WWP2: variants seen among roughly 807,000 people sequenced by gnomAD.
The protein encoded by WWP2 is WW domain containing E3 ubiquitin protein ligase 2, also known as NEDD4-like E3 ubiquitin-protein ligase WWP2.
WWP2 carries 57 observed loss-of-function variants against 121.0 expected under a neutral mutation model. That is an observed-to-expected ratio of 0.47 (90% CI 0.38 to 0.59). The LOEUF is 0.59. Ranked by LOEUF, WWP2 falls within the 20% of genes least tolerant of loss-of-function variation. The probability of loss-of-function intolerance (pLI) is 0.00; values close to 1 mark genes in which losing one functional copy is unlikely to be tolerated. For missense variants in WWP2, 962 were observed against 1,158.9 expected (o/e 0.83, Z 2.47); for synonymous variants, 449 against 441.3 (o/e 1.02, Z -0.22).
chr16:69,874,003 C>T (rs2057690305), intron 7 of WWP2, among the ~76,000 whole-genome samples: 1 of 152,148 alleles, frequency 6.6e-6, no homozygotes, highest in South Asian at 2.1e-4. Flanking sequence ...CCAGCCGTGT[C>T]TTCAAAAGCC....
rs548609220 is a variant in WWP2 at position 69,831,827 on chromosome 16, C to CTT, written c.341-8279_341-8278dup. Among the ~76,000 whole-genome samples the CTT allele has an allele frequency of 3.3e-3, 362 of 109,020 alleles. 2 individuals carry two copies. The highest frequency in any genetic ancestry group is 4.9e-3 in the African/African-American group (132 of 27,166). The allele number at this position is 109,020 out of a possible 152,430, so 71.5% of individuals were successfully genotyped here. ...ATGCTGGCATGGAAAAAAACAAAAC[C>CTT]TTTTTTTTTTTTTTTTTTTTTGAGA... On this transcript the variant is annotated intron_variant, in intron 4 of 23. Coordinates refer to ENST00000359154, the MANE Select transcript of WWP2 (RefSeq NM_001270454.2).
intron 4 of WWP2, among the ~76,000 whole-genome samples, chr16:69,826,764 G>A (rs866098769): frequency 1.5e-4 from 23 of 149,672 alleles, no homozygotes; most frequent in Admixed American, 3.4e-4. Context: ...GTGAAACCCC[G>A]TCTCTAATAA....
chr16:69,873,876 C>T (rs2057688295), intron 7 of WWP2, among the ~76,000 whole-genome samples: 1 of 152,174 alleles, frequency 6.6e-6, no homozygotes, highest in Non-Finnish European at 1.5e-5. Context: ...GGTGATGGTC[C>T]TTGAGTCACT....
At chr16:69,800,459 A>G (rs16959196) in intron 4 of WWP2, among the ~76,000 whole-genome samples, 2,181 of 152,326 alleles carry the variant, frequency 0.014, 49 homozygotes, top group African/African-American at 0.047. Flanking sequence ...TTGCCCAGCC[A>G]ATATACTTTT....
At position 69,935,374 on chromosome 16, in the gene WWP2, G is replaced by T. The variant is rs576118675; in HGVS notation, c.1843-479G>T. Among the ~76,000 whole-genome samples, 1 of 152,176 alleles carries T rather than the reference G, an allele frequency of 6.6e-6. No homozygotes were observed. The highest frequency in any genetic ancestry group is 1.5e-5 in the Non-Finnish European group (1 of 68,024). On this transcript the variant is annotated intron_variant, in intron 17 of 23. Transcript: ENST00000359154. This position sits in a 1 kb window ranked among gnomAD's most constrained non-coding sequence, Gnocchi z 5.2. The stretch of plus-strand genomic sequence containing the variant: ...GGCCCAGCAGCCAGCAGGACAGACC[G>T]GTAAAACCCTAGACTATTACTCACC...
chr16:69,924,770 G>T (rs2058614865), intron 10 of WWP2, among the ~76,000 whole-genome samples: 1 of 150,618 alleles, frequency 6.6e-6, no homozygotes, highest in African/African-American at 2.4e-5. Flanking sequence ...GGCAGGGGAG[G>T]AATAAAGGTG....
At chr16:69,898,739 T>C (rs1232590018) in intron 8 of WWP2, among the ~76,000 whole-genome samples, 1 of 152,204 alleles carries the variant, frequency 6.6e-6, no homozygotes, top group East Asian at 1.9e-4. Flanking sequence ...GTTTCACTCT[T>C]GTTGCCCATG....
At chr16:69,861,125 A>G (rs1162010692) in intron 6 of WWP2, among the ~76,000 whole-genome samples, 1 of 152,194 alleles carries the variant, frequency 6.6e-6, no homozygotes, top group Non-Finnish European at 1.5e-5. Context: ...ACAGTGTCCT[A>G]TGCACTCATA....
chr16:69,903,874 A>G (rs533442338), intron 8 of WWP2, among the ~76,000 whole-genome samples: 10 of 152,168 alleles, frequency 6.6e-5, no homozygotes, highest in Non-Finnish European at 1.2e-4. Context: ...CCACCCAAAT[A>G]TTAGAGTTTT....
At chr16:69,811,936 T>A (rs897492118) in intron 4 of WWP2, among the ~76,000 whole-genome samples, 2 of 152,176 alleles carry the variant, frequency 1.3e-5, no homozygotes, top group East Asian at 3.9e-4. Flanking sequence ...ATGTGTCTGG[T>A]TCCTAAAGGA....
chr16:69,878,202 G>A (rs193108796), intron 7 of WWP2, among the ~76,000 whole-genome samples: 23 of 152,146 alleles, frequency 1.5e-4, no homozygotes, highest in East Asian at 1.9e-4. Context: ...TCTCCATGAC[G>A]GATATAAATA....
At chr16:69,930,448 AGCCTGGACAACATAGCGAGACCG>A (rs1348494494) in intron 13 of WWP2, among the ~76,000 whole-genome samples, 190 bp downstream of exon 13, 1 of 152,216 alleles carries the variant, frequency 6.6e-6, no homozygotes, top group Non-Finnish European at 1.5e-5. Flanking sequence ...GTTTGAGACC[AGCCTGGACAACATAGCGAGACCG>A]TGTCTCCACA....
At chr16:69,909,555 C>T (rs1359702161) in intron 9 of WWP2, 1 of 985,416 alleles carries the variant, frequency 1.0e-6, no homozygotes. Flanking sequence ...CTTTTAGCTC[C>T]AGTTTTCCAG....
rs528667981 is a variant in WWP2 at position 69,791,305 on chromosome 16, G to A, written c.70+4225G>A. Among the ~76,000 whole-genome samples, 33 of 150,850 alleles carry A rather than the reference G, an allele frequency of 2.2e-4. 1 individual carries two copies. Among genetic ancestry groups the A allele is most frequent in the Admixed American group, 2.1e-3 (32 of 15,082 alleles). On this transcript the variant is annotated intron_variant, in intron 2 of 23. Transcript: ENST00000359154. ...TGCAGTGGCGTGATCTTGGTTCACT[G>A]CAACCTCTGCCTCCCAAGTTCAAGC...
At chr16:69,766,241 A>C (rs972194286) in intron 1 of WWP2, among the ~76,000 whole-genome samples, 1 of 152,014 alleles carries the variant, frequency 6.6e-6, no homozygotes, top group Admixed American at 6.6e-5. Flanking sequence ...CCCCACATCC[A>C]ACTCAGCTCG....
intron 4 of WWP2, among the ~76,000 whole-genome samples, chr16:69,831,113 C>A (rs2151858874): frequency 6.6e-6 from 1 of 152,300 alleles, no homozygotes; most frequent in African/African-American, 2.4e-5. Flanking sequence ...ATGGCCAAAT[C>A]AGTCACATCT....
At position 69,941,491 on chromosome 16, in the gene WWP2, T is replaced by A. The variant is rs967961562; in HGVS notation, c.*1551T>A. ...GTCCCTTTCAGTCATTTGCTGTACTTCCCTGTGGCACGTTACCATGGAAGC... is the reference window on the plus strand; with the variant it reads ...GTCCCTTTCAGTCATTTGCTGTACTACCCTGTGGCACGTTACCATGGAAGC... On this transcript the variant is annotated 3_prime_UTR_variant, in exon 24 of 24. Transcript: ENST00000359154. 1.3e-5 allele frequency: 2 copies of A among 153,850 alleles called. No homozygotes were observed. The highest frequency in any genetic ancestry group is 6.5e-5 in the Admixed American group (1 of 15,274). 9.5% of individuals were successfully genotyped at this position (153,850 alleles called of 1,614,324 possible). A position where few individuals can be genotyped will look rare whatever the true frequency, so the allele number is the denominator to read the frequency against.
chr16:69,859,439 C>T (rs374560533), intron 6 of WWP2, among the ~76,000 whole-genome samples: 24 of 152,226 alleles, frequency 1.6e-4, no homozygotes, highest in African/African-American at 5.5e-4. Context: ...CCTGTCATCC[C>T]GGTTACTCAG....
intron 2 of WWP2, among the ~76,000 whole-genome samples, chr16:69,791,950 T>C (rs2055921633): frequency 6.7e-6 from 1 of 149,934 alleles, no homozygotes; most frequent in African/African-American, 2.5e-5. Context: ...AAGAGCCAGC[T>C]TGATAATACT....
Sources: gnomAD v4.1 joint callset for allele counts (sites outside exome capture counted in the v4.1 genomes callset) on GRCh38, gnomAD v4.1.1 for gene constraint, Gnocchi (gnomAD v3.1) non-coding constraint, MANE v1.5 for transcripts, NCBI Gene and HGNC (gene_info 2026-07-23, HGNC 2026-07-21) for gene names.